Variants in CACNA1C observed in about 807,000 individuals in gnomAD.
CACNA1C encodes voltage-dependent L-type calcium channel subunit alpha-1C.
Under a neutral mutation model 229.0 loss-of-function variants are expected in CACNA1C, and 30 were observed. The ratio of observed to expected loss-of-function variants is 0.13; its 90% confidence interval spans 0.10 to 0.18. The LOEUF is 0.18. Among genes scored for constraint, CACNA1C ranks in the 10% least tolerant of loss-of-function variants. The pLI, the probability that CACNA1C is intolerant of heterozygous loss-of-function variation, is 1.00. For synonymous variants in CACNA1C, 1,114 were observed against 1,132.5 expected (o/e 0.98, Z 0.33); for missense variants, 1,658 against 2,845.0 (o/e 0.58, Z 9.49).
At chr12:2,240,242 G>A (rs1324512312) in intron 3 of CACNA1C, among the ~76,000 whole-genome samples, 1 of 152,208 alleles carries the variant, frequency 6.6e-6, no homozygotes, top group Non-Finnish European at 1.5e-5. Context: ...CTGACATGCA[G>A]TTTCCCCTCC....
intron 3 of CACNA1C, among the ~76,000 whole-genome samples, chr12:2,353,457 C>T (rs2097265359): frequency 6.6e-6 from 1 of 152,236 alleles, no homozygotes; most frequent in Non-Finnish European, 1.5e-5. Context: ...CTGCCGCGCT[C>T]AGCACCTGGG....
At chr12:2,174,356 T>C (rs1327670036) in intron 3 of CACNA1C, among the ~76,000 whole-genome samples, 2 of 152,208 alleles carry the variant, frequency 1.3e-5, no homozygotes, top group Non-Finnish European at 2.9e-5. Context: ...GATGGGGTGC[T>C]CAGAACTATT....
intron 37 of CACNA1C, among the ~76,000 whole-genome samples, chr12:2,667,622 T>G (rs1190704186): frequency 6.6e-6 from 1 of 151,926 alleles, no homozygotes; most frequent in Non-Finnish European, 1.5e-5. Flanking sequence ...AAATGCAAGG[T>G]ACAAACACCA....
chr12:2,134,572 G>T (rs1391011550), intron 3 of CACNA1C, among the ~76,000 whole-genome samples: 10,142 of 64,440 alleles, frequency 0.16, no homozygotes, highest in African/African-American at 0.18. Flanking sequence ...ATGAAGCTTA[G>T]CTTGGCTGGA....
intron 3 of CACNA1C, among the ~76,000 whole-genome samples, chr12:2,448,155 C>G (rs1272406095): frequency 1.3e-5 from 2 of 152,152 alleles, no homozygotes; most frequent in Non-Finnish European, 2.9e-5. Context: ...CAAGTTTGTC[C>G]TGTTCGCTCT....
chr12:2,365,411 G>A (rs562505060), intron 3 of CACNA1C, among the ~76,000 whole-genome samples: 19 of 152,166 alleles, frequency 1.2e-4, no homozygotes, highest in Non-Finnish European at 2.2e-4. Context: ...GCACTGAGGG[G>A]CATCTATCAT....
chr12:2,316,327 T>TC lies in CACNA1C; in HGVS notation c.478-132646dup, dbSNP rs531773313. On this transcript the variant is annotated intron_variant, in intron 3 of 46. Coordinates refer to ENST00000399655, the MANE Select transcript of CACNA1C (RefSeq NM_000719.7). ...TCTGTAAAATGGGGAGAATCATACC[T>TC]CCCTTATTGGGTTGTTATGAGGATT... Among the ~76,000 whole-genome samples the TC allele has an allele frequency of 5.3e-3, 804 of 152,364 alleles. 14 individuals carry two copies. The highest frequency in any genetic ancestry group is 0.019 in the African/African-American group (774 of 41,586).
At chr12:2,314,758 A>T (rs1390834193) in intron 3 of CACNA1C, among the ~76,000 whole-genome samples, 2 of 152,048 alleles carry the variant, frequency 1.3e-5, no homozygotes, top group African/African-American at 2.4e-5. Flanking sequence ...GTTTCTACCC[A>T]TTCTGTCATT....
rs922385900 is a variant in CACNA1C at position 2,634,482 on chromosome 12, TTA to T, written c.3912+104_3912+105del. ...CATTTTATTTTCTCTCCCCACCTTCTTATTTTTTTTTTTTAATTTGTTTGTTT... is the reference window on the plus strand; with the variant it reads ...CATTTTATTTTCTCTCCCCACCTTCTTTTTTTTTTTTTAATTTGTTTGTTT... On this transcript the variant is annotated intron_variant, in intron 30 of 46. Coordinates refer to ENST00000399655, the MANE Select transcript of CACNA1C (RefSeq NM_000719.7). The T allele has an allele frequency of 1.8e-5, 8 of 454,538 alleles. No homozygotes were observed. In the African/African-American group the frequency reaches 1.9e-4, roughly 11 times the overall value. The allele number at this position is 454,538 out of a possible 1,614,324, so 28.2% of individuals were successfully genotyped here.
intron 3 of CACNA1C, among the ~76,000 whole-genome samples, chr12:2,381,896 C>T (rs1215765425): frequency 1.3e-5 from 2 of 152,238 alleles, no homozygotes; most frequent in African/African-American, 4.8e-5. Context: ...ATAGAAACAA[C>T]TCTGAGAATC....
At chr12:2,069,255 T>C (rs1375116303) in intron 1 of CACNA1C, among the ~76,000 whole-genome samples, 1 of 152,170 alleles carries the variant, frequency 6.6e-6, no homozygotes. Context: ...TGGGTCTGTC[T>C]GAAAGGGTGA....
chr12:2,658,419 C>T (rs1194902796), intron 34 of CACNA1C, among the ~76,000 whole-genome samples: 1 of 152,166 alleles, frequency 6.6e-6, no homozygotes, highest in Admixed American at 6.6e-5. Flanking sequence ...CTGAAAACTT[C>T]CTATCACCCA....
At chr12:2,059,370 A>C (rs1485783052) in intron 1 of CACNA1C, among the ~76,000 whole-genome samples, 1 of 151,630 alleles carries the variant, frequency 6.6e-6, no homozygotes, top group Non-Finnish European at 1.5e-5. Flanking sequence ...GTAGGAGAGA[A>C]GTTTGGGCCT....
rs530497189 is a variant in CACNA1C at position 2,490,544 on chromosome 12, G to A, written c.917-2646G>A. Among the ~76,000 whole-genome samples the A allele has an allele frequency of 3.9e-5, 6 of 152,304 alleles. No individual in the cohort carries two copies. In the South Asian group the frequency reaches 1.2e-3, roughly 32 times the overall value. On this transcript the variant is annotated intron_variant, in intron 6 of 46. Coordinates refer to ENST00000399655, the MANE Select transcript of CACNA1C (RefSeq NM_000719.7). ...CACAGTGACTGAACACATCTCCCTAGAAAGCTATGACTAGAATGGGTGACA... is the reference window on the plus strand; with the variant it reads ...CACAGTGACTGAACACATCTCCCTAAAAAGCTATGACTAGAATGGGTGACA...
intron 1 of CACNA1C, among the ~76,000 whole-genome samples, chr12:2,097,294 T>G (rs374367238): frequency 6.6e-6 from 1 of 151,988 alleles, no homozygotes; most frequent in Non-Finnish European, 1.5e-5. Flanking sequence ...TACAGGCGCC[T>G]GCCACCACGC....
intron 3 of CACNA1C, among the ~76,000 whole-genome samples, chr12:2,224,757 G>A (rs893993504): frequency 1.3e-5 from 2 of 152,180 alleles, no homozygotes; most frequent in African/African-American, 4.8e-5. Context: ...ATGAAGCACC[G>A]TGGGTCCCAG....
At chr12:2,292,104 C>A (rs75739143) in intron 3 of CACNA1C, among the ~76,000 whole-genome samples, 2,758 of 152,336 alleles carry the variant, frequency 0.018, 43 homozygotes, top group Middle Eastern at 0.031. Flanking sequence ...GACAGACAGC[C>A]ATGAAGCACT....
intron 1 of CACNA1C, among the ~76,000 whole-genome samples, chr12:1,979,746 A>T (rs890443020): frequency 2.0e-5 from 3 of 152,252 alleles, no homozygotes; most frequent in African/African-American, 7.2e-5. Flanking sequence ...GCAATGTATC[A>T]AAGTTTCCAT....
At chr12:2,247,626 C>G (rs1459863953) in intron 3 of CACNA1C, among the ~76,000 whole-genome samples, 3 of 152,198 alleles carry the variant, frequency 2.0e-5, no homozygotes, top group South Asian at 2.1e-4. Context: ...ACTTCCTGGT[C>G]CCTCCTCAGT....
Sources: allele counts gnomAD v4.1 joint callset (sites outside exome capture counted in the v4.1 genomes callset), GRCh38; gene constraint gnomAD v4.1.1; transcripts MANE v1.5; gene names NCBI Gene and HGNC (gene_info 2026-07-23, HGNC 2026-07-21).